The following PRKG1 variants were observed in gnomAD, a reference collection of about 807,000 sequenced individuals.
The protein encoded by PRKG1 is protein kinase cGMP-dependent 1.
A neutral mutation model predicts 88.1 loss-of-function variants in PRKG1; 35 were observed. The observed-to-expected ratio is 0.40, with a 90% confidence interval of 0.30 to 0.53. PRKG1 has a LOEUF of 0.53. Ranked by LOEUF, PRKG1 falls within the 20% of genes least tolerant of loss-of-function variation. PRKG1 has a pLI of 0.59. For synonymous variants in PRKG1, 303 were observed against 292.5 expected, an observed-to-expected ratio of 1.04 and a Z score of -0.37; for missense variants, 540 against 839.8, an observed-to-expected ratio of 0.64 and a Z score of 4.41.
intron 5 of PRKG1, among the ~76,000 whole-genome samples, chr10:51,984,503 G>A (rs1401125945): frequency 6.6e-6 from 1 of 152,136 alleles, no homozygotes; most frequent in Non-Finnish European, 1.5e-5. Flanking sequence ...ACAATTGTAA[G>A]TAGCTCAATT....
At chr10:51,012,158 C>T (rs1162493547) in intron 1 of PRKG1, among the ~76,000 whole-genome samples, 1 of 152,148 alleles carries the variant, frequency 6.6e-6, no homozygotes, top group Non-Finnish European at 1.5e-5. Flanking sequence ...TGCATGGGTT[C>T]TGCATGGTTT....
At chr10:52,113,729 A>C (rs958365538) in intron 7 of PRKG1, among the ~76,000 whole-genome samples, 6 of 152,174 alleles carry the variant, frequency 3.9e-5, no homozygotes, top group Admixed American at 1.3e-4. Flanking sequence ...GCTGCACATA[A>C]TTAAAATCAC....
At chr10:51,565,956 T>A (rs944804426) in intron 3 of PRKG1, among the ~76,000 whole-genome samples, 8 of 152,108 alleles carry the variant, frequency 5.3e-5, no homozygotes, top group Non-Finnish European at 1.2e-4. Flanking sequence ...TTATTATATG[T>A]CTGGCAATGG....
rs550608029 is a variant in PRKG1 at position 52,291,807 on chromosome 10, A to G, written c.1962+1517A>G. Among the ~76,000 whole-genome samples, 4 of 151,974 alleles carry G rather than the reference A, an allele frequency of 2.6e-5. No homozygotes were observed. The South Asian group carries it at 8.3e-4, about 32-fold the overall frequency. ...TGGGTCAAATGGTATTTCTAGTTCTAGATCCCTGAGGAATCGCCACACTGA... is the reference window on the plus strand; with the variant it reads ...TGGGTCAAATGGTATTTCTAGTTCTGGATCCCTGAGGAATCGCCACACTGA... On this transcript the variant is annotated intron_variant, in intron 17 of 17. Coordinates refer to ENST00000373980, the MANE Select transcript of PRKG1 (RefSeq NM_006258.4).
At chr10:52,228,526 C>T (rs1373119378) in intron 9 of PRKG1, among the ~76,000 whole-genome samples, 5 of 152,220 alleles carry the variant, frequency 3.3e-5, no homozygotes, top group South Asian at 2.1e-4. Context: ...ACAAGTTTTT[C>T]GCAGTGGTTC....
intron 3 of PRKG1, among the ~76,000 whole-genome samples, chr10:51,794,627 A>G (rs1564649531): frequency 6.6e-6 from 1 of 152,106 alleles, no homozygotes; most frequent in South Asian, 2.1e-4. Flanking sequence ...ATGGATGTAA[A>G]GTGTTCTCAC....
intron 5 of PRKG1, among the ~76,000 whole-genome samples, chr10:52,024,421 C>T (rs1379497345): frequency 6.6e-6 from 1 of 151,458 alleles, no homozygotes; most frequent in African/African-American, 2.4e-5. Flanking sequence ...TGTTGGTTTG[C>T]TGCATTCATT....
In PRKG1 at chr10:51,698,245, C is replaced by G. The variant is rs945562538; in HGVS notation, c.593-106340C>G. 5 of 1,614,170 alleles carry G rather than the reference C, an allele frequency of 3.1e-6. 1 individual carries two copies. The highest frequency in any genetic ancestry group is 2.2e-5 in the South Asian group (2 of 91,078). On this transcript the variant is annotated intron_variant, in intron 3 of 17. Coordinates refer to ENST00000373980, the MANE Select transcript of PRKG1 (RefSeq NM_006258.4). ...CCATCGCACAGGTCTCCATTCCTCTCCTCTCCATTACACGTGTCTCTAAGA... is the reference window on the plus strand; with the variant it reads ...CCATCGCACAGGTCTCCATTCCTCTGCTCTCCATTACACGTGTCTCTAAGA...
intron 5 of PRKG1, among the ~76,000 whole-genome samples, chr10:51,952,417 T>C (rs1843206017): frequency 6.6e-6 from 1 of 152,218 alleles, no homozygotes; most frequent in Non-Finnish European, 1.5e-5. Flanking sequence ...TACTACTTAC[T>C]AGCTGGGGGA....
intron 3 of PRKG1, among the ~76,000 whole-genome samples, chr10:51,564,932 C>T (rs1448007134): frequency 6.6e-6 from 1 of 152,038 alleles, no homozygotes; most frequent in East Asian, 1.9e-4. Flanking sequence ...TGGAGAATAG[C>T]ATTCTCCAAT....
chr10:51,491,184 G>T (rs1840700643), intron 3 of PRKG1, among the ~76,000 whole-genome samples: 1 of 152,054 alleles, frequency 6.6e-6, no homozygotes, highest in Non-Finnish European at 1.5e-5. Context: ...TTAAGTTGAT[G>T]ATTTGGAGTG....
intron 3 of PRKG1, among the ~76,000 whole-genome samples, chr10:51,704,357 T>G (rs900076195): frequency 1.3e-5 from 2 of 152,106 alleles, no homozygotes; most frequent in Admixed American, 1.3e-4. Flanking sequence ...GTTGAATGAA[T>G]GACAGGAAAT....
At chr10:51,858,316 A>T (rs1564678658) in intron 4 of PRKG1, among the ~76,000 whole-genome samples, 4 of 12,010 alleles carry the variant, frequency 3.3e-4, no homozygotes, top group East Asian at 5.9e-4. Flanking sequence ...ATATATGTAT[A>T]ATATGTATTA....
intron 5 of PRKG1, among the ~76,000 whole-genome samples, chr10:52,047,298 TC>T (rs1236867547): frequency 6.6e-6 from 1 of 152,080 alleles, no homozygotes. Flanking sequence ...GCAGAACAAA[TC>T]CTTTCGACAA....
chr10:52,099,986 A>G (rs561765911), intron 7 of PRKG1, among the ~76,000 whole-genome samples: 4 of 152,346 alleles, frequency 2.6e-5, no homozygotes, highest in Admixed American at 2.0e-4. Context: ...TGACAATGCT[A>G]GTATTCTTAG....
Position 51,539,499 on chromosome 10 carries a change from C to T in PRKG1, c.592+71663C>T, listed in dbSNP as rs116687635. ...ATCTTTTCTCAGTTAGTGCAAAACA[C>T]TGATACATCTCTGGGAAGCATTTGG... is the stretch of plus-strand genomic sequence containing the variant. On this transcript the variant is annotated intron_variant, in intron 3 of 17. Coordinates refer to ENST00000373980, the MANE Select transcript of PRKG1 (RefSeq NM_006258.4). Among the ~76,000 whole-genome samples the T allele has an allele frequency of 2.2e-3, 329 of 152,294 alleles. 3 individuals are homozygous for T. Among genetic ancestry groups the T allele is most frequent in the African/African-American group, 7.0e-3 (293 of 41,578 alleles).
Position 51,415,910 on chromosome 10 carries a change from AGTGT to A in PRKG1, c.479-51782_479-51779del, listed in dbSNP as rs71459419. Reference sequence around the variant, plus strand: ...CCTAAACTGGCATGCTAGAGCTTCCAGTGTGTGTGTGTGTGTGTGTGTGTGTGTG... The same window carrying A: ...CCTAAACTGGCATGCTAGAGCTTCCAGTGTGTGTGTGTGTGTGTGTGTGTG... On this transcript the variant is annotated intron_variant, in intron 2 of 17. Transcript: ENST00000373980. Among the ~76,000 whole-genome samples, 885 of 147,170 alleles carry A rather than the reference AGTGT, an allele frequency of 6.0e-3. 7 individuals carry two copies. The highest frequency in any genetic ancestry group is 0.016 in the African/African-American group (645 of 39,910).
At chr10:52,143,677 A>C (rs1278691142) in intron 8 of PRKG1, among the ~76,000 whole-genome samples, 1 of 152,160 alleles carries the variant, frequency 6.6e-6, no homozygotes, top group Non-Finnish European at 1.5e-5. Flanking sequence ...GCCAGACACA[A>C]GAGAAACCTC....
intron 5 of PRKG1, among the ~76,000 whole-genome samples, chr10:51,930,181 A>G (rs1257717600): frequency 6.6e-6 from 1 of 152,216 alleles, no homozygotes; most frequent in Non-Finnish European, 1.5e-5. Context: ...GGCATTTAGA[A>G]TAGTTAAAAT....
Sources: gnomAD v4.1 joint callset for allele counts (sites outside exome capture counted in the v4.1 genomes callset) on GRCh38, gnomAD v4.1.1 for gene constraint, MANE v1.5 for transcripts, NCBI Gene and HGNC (gene_info 2026-07-23, HGNC 2026-07-21) for gene names.